ALG14: variants seen among roughly 807,000 people sequenced by gnomAD.
ALG14 encodes ALG14 UDP-N-acetylglucosaminyltransferase subunit.
Under a neutral mutation model 22.8 loss-of-function variants are expected in ALG14, and 17 were observed. The ratio of observed to expected loss-of-function variants is 0.75; its 90% CI spans 0.51 to 1.12. The LOEUF (loss-of-function observed/expected upper bound fraction) is 1.12, where lower values mean the gene tolerates loss of function less well. Among genes scored for constraint, ALG14 ranks in the 50% most tolerant of loss-of-function variants. The probability of loss-of-function intolerance (pLI) is 0.00; values close to 1 mark genes in which losing one functional copy is unlikely to be tolerated. For missense variants in ALG14, 288 were observed against 271.8 expected, an observed-to-expected ratio of 1.06 and a Z score of -0.42; for synonymous variants, 89 against 103.7, an observed-to-expected ratio of 0.86 and a Z score of 0.86.
intron 3 of ALG14, among the ~76,000 whole-genome samples, chr1:95,006,536 G>A (rs894175644): frequency 2.6e-5 from 4 of 152,186 alleles, no homozygotes; most frequent in African/African-American, 9.7e-5. Flanking sequence ...GGCCATAGGA[G>A]ATCTGGGAAG....
chr1:94,989,426 G>T (rs761726539), intron 3 of ALG14, among the ~76,000 whole-genome samples: 5 of 152,112 alleles, frequency 3.3e-5, no homozygotes, highest in Non-Finnish European at 7.4e-5. Flanking sequence ...TGCAGGCAAA[G>T]CCCCTTTCTC....
intron 3 of ALG14, among the ~76,000 whole-genome samples, chr1:95,017,259 A>C (rs780846572): frequency 6.6e-6 from 1 of 152,070 alleles, no homozygotes; most frequent in Non-Finnish European, 1.5e-5. Context: ...CTAAGTTCCT[A>C]CACATCTAAC....
intron 2 of ALG14, among the ~76,000 whole-genome samples, chr1:95,044,390 A>G (rs1267120893): frequency 6.6e-6 from 1 of 152,150 alleles, no homozygotes; most frequent in Admixed American, 6.6e-5. Context: ...GAAGTTTTTA[A>G]AAGGGCTTAC....
chr1:95,064,844 A>G lies in ALG14; in HGVS notation c.288+22T>C, dbSNP rs1411503618. 5.0e-6 allele frequency: 8 copies of G among 1,596,730 alleles called. No individual in the cohort carries two copies. The South Asian group carries it at 7.8e-5, about 16-fold the overall frequency. ...TCAATGTGCAACTTGTAATTTTCTT[A>G]GAAATAGAAATTGTCACTTACCATG... On this transcript the variant is annotated intron_variant, in intron 2 of 3. Coordinates refer to ENST00000370205, the MANE Select transcript of ALG14 (RefSeq NM_144988.4).
chr1:95,037,258 C>T (rs555706909), intron 2 of ALG14, among the ~76,000 whole-genome samples: 1 of 152,274 alleles, frequency 6.6e-6, no homozygotes, highest in East Asian at 1.9e-4. Context: ...TCCCCTTCAC[C>T]CCTAACCCTG....
intron 3 of ALG14, among the ~76,000 whole-genome samples, chr1:94,994,008 T>C (rs899283183): frequency 6.6e-6 from 1 of 152,198 alleles, no homozygotes; most frequent in Non-Finnish European, 1.5e-5. Flanking sequence ...TGGTATTTCA[T>C]TTTCTTGCCC....
intron 2 of ALG14, among the ~76,000 whole-genome samples, chr1:95,035,149 G>A (rs1674142899): frequency 6.6e-6 from 1 of 152,136 alleles, no homozygotes; most frequent in African/African-American, 2.4e-5. Flanking sequence ...GCAGTCAGCT[G>A]GGTTATATGT....
chr1:95,050,249 A>C (rs1191011004), intron 2 of ALG14, among the ~76,000 whole-genome samples: 1 of 152,216 alleles, frequency 6.6e-6, no homozygotes, highest in Non-Finnish European at 1.5e-5. Flanking sequence ...AAGAAGTCCG[A>C]AAAAAATTAA....
At chr1:95,071,757 C>T (rs1334550956) in intron 1 of ALG14, among the ~76,000 whole-genome samples, 1 of 152,130 alleles carries the variant, frequency 6.6e-6, no homozygotes, top group Non-Finnish European at 1.5e-5. Flanking sequence ...TCATTTCTTC[C>T]AGGAAGCTGT....
intron 2 of ALG14, among the ~76,000 whole-genome samples, chr1:95,049,674 C>A (rs1674681620): frequency 6.6e-6 from 1 of 151,994 alleles, no homozygotes; most frequent in African/African-American, 2.4e-5. Flanking sequence ...GAGTTTGAGA[C>A]CAGCCTGGGC....
intron 3 of ALG14, among the ~76,000 whole-genome samples, chr1:95,011,716 A>T (rs1268829702): frequency 3.3e-5 from 5 of 152,136 alleles, no homozygotes; most frequent in Non-Finnish European, 7.3e-5. Context: ...TGCCCAGCCG[A>T]AAAATAAATT....
intron 2 of ALG14, among the ~76,000 whole-genome samples, chr1:95,037,286 G>A (rs1266743920): frequency 6.6e-6 from 1 of 152,126 alleles, no homozygotes; most frequent in Non-Finnish European, 1.5e-5. Context: ...GAGTAGGCCT[G>A]GAATGGCTGA....
At chr1:95,033,606 T>C (rs955716698) in intron 2 of ALG14, among the ~76,000 whole-genome samples, 2 of 151,952 alleles carry the variant, frequency 1.3e-5, no homozygotes, top group Non-Finnish European at 2.9e-5. Context: ...AATCAACAAA[T>C]CAACAGTAAA....
chr1:95,067,554 G>A (rs1229198351), intron 1 of ALG14: 2 of 143,112 alleles, frequency 1.4e-5, no homozygotes, highest in Non-Finnish European at 3.0e-5. Flanking sequence ...GATGGATTTT[G>A]TCTTCCATTT....
At chr1:95,034,974 C>T (rs1349253850) in intron 2 of ALG14, among the ~76,000 whole-genome samples, 2 of 152,142 alleles carry the variant, frequency 1.3e-5, no homozygotes, top group South Asian at 2.1e-4. Flanking sequence ...ACCACTGTTA[C>T]CAGTGACCGC....
At chr1:94,985,153 T>G (rs1373331746) in intron 3 of ALG14, among the ~76,000 whole-genome samples, 2 of 152,154 alleles carry the variant, frequency 1.3e-5, no homozygotes, top group Non-Finnish European at 2.9e-5. Context: ...GTTACCTTAC[T>G]AGAAAATGGG....
In ALG14 at chr1:95,067,907, C is replaced by T. The variant is rs534687281; in HGVS notation, c.137-2890G>A. Among the ~76,000 whole-genome samples the T allele has an allele frequency of 7.9e-5, 12 of 152,290 alleles. 2 individuals carry two copies. Among genetic ancestry groups the T allele is most frequent in the African/African-American group, 2.4e-4 (10 of 41,564 alleles). On this transcript the variant is annotated intron_variant, in intron 1 of 3. Transcript: ENST00000370205. ...TCTTGGAGCTCATCTCCTGTTCCTC[C>T]CCGCTTACTCAGTCTACTCTAATCA...
rs780710966 is a variant in ALG14 at position 95,018,554 on chromosome 1, C to A, written c.420+8575G>T. 2.0e-5 allele frequency among the ~76,000 whole-genome samples: 3 copies of A among 150,976 alleles called. No homozygotes were observed. In the South Asian group the frequency reaches 6.3e-4, roughly 32 times the overall value. ...CTGTCTCAATTAGTAGAAAAAAAGA[C>A]AAAAGAAAAAAGAAAAAAGGGACGG... On this transcript the variant is annotated intron_variant, in intron 3 of 3. Coordinates refer to ENST00000370205, the MANE Select transcript of ALG14 (RefSeq NM_144988.4).
intron 3 of ALG14, among the ~76,000 whole-genome samples, chr1:95,011,479 A>T (rs1357897731): frequency 4.0e-5 from 6 of 150,612 alleles, no homozygotes; most frequent in African/African-American, 1.5e-4. Context: ...AGGCTGGAGT[A>T]TAGTGGTGTG....
Sources: gnomAD v4.1 joint callset for allele counts (sites outside exome capture counted in the v4.1 genomes callset) on GRCh38, gnomAD v4.1.1 for gene constraint, MANE v1.5 for transcripts, NCBI Gene and HGNC (gene_info 2026-07-23, HGNC 2026-07-21) for gene names.